Variants in CPNE8 observed in about 807,000 individuals in gnomAD.
CPNE8 encodes the protein copine-8.
CPNE8 carries 45 observed loss-of-function variants against 81.5 expected under a neutral mutation model. The ratio of observed to expected loss-of-function variants is 0.55; its 90% CI spans 0.44 to 0.71. The LOEUF (loss-of-function observed/expected upper bound fraction) is 0.71. Ranked by LOEUF, CPNE8 falls within the 30% of genes least tolerant of loss-of-function variation. CPNE8 has a pLI of 0.00. For synonymous variants in CPNE8, 252 were observed against 226.3 expected (o/e 1.11, Z -1.02); for missense variants, 594 against 672.1 (o/e 0.88, Z 1.28).
At chr12:38,840,093 T>C in intron 4 of CPNE8, 138 bp from the exon 5 acceptor site, 1 of 876,346 alleles carries the variant, frequency 1.1e-6, no homozygotes. Context: ...TAGCAAATTT[T>C]AAAGTTTCAC....
At chr12:38,775,357 A>C (rs1184203991) in intron 7 of CPNE8, among the ~76,000 whole-genome samples, 1 of 152,238 alleles carries the variant, frequency 6.6e-6, no homozygotes, top group Non-Finnish European at 1.5e-5. Flanking sequence ...GAGATAATAA[A>C]ATAAACTATG....
chr12:38,817,614 C>CT (rs869168296), intron 6 of CPNE8, among the ~76,000 whole-genome samples: 28,851 of 90,608 alleles, frequency 0.32, 6,104 homozygotes, highest in Admixed American at 0.43. Flanking sequence ...TTAATTTATT[C>CT]TTTTTTTTTT....
intron 7 of CPNE8, among the ~76,000 whole-genome samples, chr12:38,773,224 T>C (rs961009073): frequency 6.6e-6 from 1 of 152,234 alleles, no homozygotes; most frequent in East Asian, 1.9e-4. Flanking sequence ...GAATAAGTCA[T>C]AGAGATCTAC....
At chr12:38,831,056 G>T (rs1592125652) in intron 5 of CPNE8, among the ~76,000 whole-genome samples, 1 of 152,198 alleles carries the variant, frequency 6.6e-6, no homozygotes, top group African/African-American at 2.4e-5. Flanking sequence ...GATATCTGTA[G>T]ACTAGCATAG....
intron 6 of CPNE8, among the ~76,000 whole-genome samples, chr12:38,817,611 A>ATTT (rs1356590813): frequency 3.2e-5 from 3 of 94,076 alleles, no homozygotes; most frequent in Admixed American, 1.3e-4. Context: ...ACATTAATTT[A>ATTT]TTCTTTTTTT....
chr12:38,836,787 C>T (rs971216301), intron 5 of CPNE8, among the ~76,000 whole-genome samples: 2 of 152,056 alleles, frequency 1.3e-5, no homozygotes, highest in Non-Finnish European at 1.5e-5. Context: ...TTCAAAAATC[C>T]TCATGAATTT....
chr12:38,874,024 T>C (rs1251336249), intron 2 of CPNE8, among the ~76,000 whole-genome samples: 1 of 151,700 alleles, frequency 6.6e-6, no homozygotes, highest in Non-Finnish European at 1.5e-5. Context: ...GGTCTTGAAC[T>C]CCTGGGCTCA....
Position 38,654,081 on chromosome 12 carries a change from G to A in CPNE8, c.1507-11C>T. On this transcript the variant is annotated splice_polypyrimidine_tract_variant and intron_variant, in intron 19 of 19. Transcript: ENST00000331366. Reference sequence around the variant, plus strand: ...CCTGAATGGCACAAACTAAAACAGAGACGAAAGAAAGTTATTTCACAGACT... The same window carrying A: ...CCTGAATGGCACAAACTAAAACAGAAACGAAAGAAAGTTATTTCACAGACT... 1.9e-6 allele frequency: 3 copies of A among 1,573,128 alleles called. No individual in the cohort carries two copies.
intron 15 of CPNE8, among the ~76,000 whole-genome samples, chr12:38,690,129 G>A (rs937427654): frequency 2.0e-5 from 3 of 152,004 alleles, no homozygotes; most frequent in Non-Finnish European, 2.9e-5. Context: ...ATGTGAATGT[G>A]GTGAGATAAA....
chr12:38,870,513 A>G (rs1231410592), intron 3 of CPNE8, among the ~76,000 whole-genome samples: 1 of 152,154 alleles, frequency 6.6e-6, no homozygotes, highest in Admixed American at 6.6e-5. Flanking sequence ...GAAGTTGGAA[A>G]CCATCATTCT....
intron 5 of CPNE8, among the ~76,000 whole-genome samples, chr12:38,837,511 A>G (rs1001184003): frequency 3.3e-5 from 5 of 152,118 alleles, no homozygotes; most frequent in Non-Finnish European, 7.4e-5. Context: ...TCTCCCAAAA[A>G]CAGTTTATAT....
intron 1 of CPNE8, among the ~76,000 whole-genome samples, chr12:38,885,511 C>T (rs774498671): frequency 7.2e-5 from 11 of 152,236 alleles, no homozygotes; most frequent in East Asian, 1.9e-4. Context: ...GGGAAATTTA[C>T]GGTGAAAATA....
Position 38,840,402 on chromosome 12 carries a change from G to A in CPNE8, c.291-447C>T, listed in dbSNP as rs560590449. Among the ~76,000 whole-genome samples, 52 of 152,194 alleles carry A rather than the reference G, an allele frequency of 3.4e-4. 1 individual carries two copies. Among genetic ancestry groups the A allele is most frequent in the Non-Finnish European group, 6.5e-4 (44 of 67,990 alleles). The stretch of plus-strand genomic sequence containing the variant: ...GATAGAAATGTTCTGTATATTGCCA[G>A]GATAAATGTCAATATCCTATTTGTG... On this transcript the variant is annotated intron_variant, in intron 4 of 19. Coordinates refer to ENST00000331366, the MANE Select transcript of CPNE8 (RefSeq NM_153634.3).
At chr12:38,659,774 G>C (rs1016782576) in intron 19 of CPNE8, among the ~76,000 whole-genome samples, 1 of 152,012 alleles carries the variant, frequency 6.6e-6, no homozygotes, top group African/African-American at 2.4e-5. Context: ...TACGGAAACT[G>C]AACAATCTGC....
intron 3 of CPNE8, among the ~76,000 whole-genome samples, chr12:38,866,359 GAAAAC>G (rs1943913710): frequency 6.6e-6 from 1 of 152,074 alleles, no homozygotes; most frequent in Non-Finnish European, 1.5e-5. Flanking sequence ...CTAAAAGACA[GAAAAC>G]AAAACAAAAT....
At chr12:38,896,789 A>G (rs933395967) in intron 1 of CPNE8, among the ~76,000 whole-genome samples, 5 of 152,096 alleles carry the variant, frequency 3.3e-5, no homozygotes, top group African/African-American at 9.7e-5. Flanking sequence ...ATGGGATAAC[A>G]TGCAGCTTTA....
At chr12:38,824,972 C>A (rs1470614487) in intron 6 of CPNE8, among the ~76,000 whole-genome samples, 1 of 152,140 alleles carries the variant, frequency 6.6e-6, no homozygotes, top group Non-Finnish European at 1.5e-5. Context: ...GGCTGTCCTA[C>A]AATGTTATCT....
At chr12:38,867,339 T>TGTGTGTGTGA (rs942285728) in intron 3 of CPNE8, among the ~76,000 whole-genome samples, 5 of 121,996 alleles carry the variant, frequency 4.1e-5, no homozygotes, top group African/African-American at 1.6e-4. Context: ...TGTGTGTGTG[T>TGTGTGTGTGA]GAGAGAGAGA....
intron 6 of CPNE8, among the ~76,000 whole-genome samples, chr12:38,814,337 GAC>G (rs1474382801): frequency 6.2e-5 from 1 of 16,168 alleles, no homozygotes; most frequent in African/African-American, 1.7e-4. Flanking sequence ...TTTTTTTTTT[GAC>G]AGAGTCTCAC....
Sources: allele counts gnomAD v4.1 joint callset (sites outside exome capture counted in the v4.1 genomes callset), GRCh38; gene constraint gnomAD v4.1.1; transcripts MANE v1.5; gene names NCBI Gene and HGNC (gene_info 2026-07-23, HGNC 2026-07-21).